MAP3K13: variants seen among roughly 807,000 people sequenced by gnomAD.
MAP3K13 encodes leucine zipper-bearing kinase.
A neutral mutation model predicts 104.0 loss-of-function variants in MAP3K13; 52 were observed. The observed-to-expected ratio is 0.50, with a 90% confidence interval of 0.40 to 0.63. MAP3K13 has a LOEUF of 0.63. MAP3K13 is among the 20% of genes least tolerant of loss of function. The probability of loss-of-function intolerance (pLI) is 0.00; values close to 1 mark genes in which losing one functional copy is unlikely to be tolerated. For missense variants in MAP3K13, 914 were observed against 1,218.5 expected (o/e 0.75, Z 3.72); for synonymous variants, 394 against 442.2 (o/e 0.89, Z 1.37).
chr3:185,322,885 T>A (rs1177994387), intron 2 of MAP3K13, among the ~76,000 whole-genome samples: 1 of 152,246 alleles, frequency 6.6e-6, no homozygotes, highest in Non-Finnish European at 1.5e-5. Flanking sequence ...TTATTTTCAC[T>A]GTAATTTCAT....
chr3:185,460,922 T>C (rs1422605034), intron 7 of MAP3K13, among the ~76,000 whole-genome samples: 1 of 152,150 alleles, frequency 6.6e-6, no homozygotes, highest in Non-Finnish European at 1.5e-5. Context: ...CAGAGGGAGG[T>C]ACTCCTTTTC....
At chr3:185,352,245 G>A (rs982778781) in intron 2 of MAP3K13, among the ~76,000 whole-genome samples, 5 of 152,178 alleles carry the variant, frequency 3.3e-5, no homozygotes, top group African/African-American at 1.2e-4. Context: ...GGGAGTTTGA[G>A]ACCAGCCTGA....
intron 9 of MAP3K13, among the ~76,000 whole-genome samples, chr3:185,466,171 A>G (rs975842634): frequency 2.0e-5 from 3 of 152,202 alleles, no homozygotes; most frequent in Admixed American, 6.5e-5. Context: ...GGGGAAATGT[A>G]TTGGCTGCTG....
chr3:185,384,366 A>G (rs1015599100), intron 1 of MAP3K13, among the ~76,000 whole-genome samples: 1 of 150,512 alleles, frequency 6.6e-6, no homozygotes, highest in African/African-American at 2.5e-5. Flanking sequence ...CCATTTAACC[A>G]TTGATGAATA....
chr3:185,328,289 T>C (rs573245846), intron 2 of MAP3K13, among the ~76,000 whole-genome samples: 1 of 152,230 alleles, frequency 6.6e-6, no homozygotes, highest in East Asian at 1.9e-4. Flanking sequence ...GATTGTACAA[T>C]GTATAGCTTC....
chr3:185,451,542 C>T (rs947397121), intron 7 of MAP3K13, 147 bp downstream of exon 7: 13 of 588,162 alleles, frequency 2.2e-5, no homozygotes, highest in Admixed American at 1.5e-4. Flanking sequence ...ATACTTCACA[C>T]ATATGACATC....
At chr3:185,456,871 G>A (rs529214168) in intron 7 of MAP3K13, among the ~76,000 whole-genome samples, 48 of 152,212 alleles carry the variant, frequency 3.2e-4, no homozygotes, top group African/African-American at 1.1e-3. Context: ...AACGTGCTGC[G>A]GTTACAGGTG....
chr3:185,309,713 C>A (rs1182903548), intron 2 of MAP3K13, among the ~76,000 whole-genome samples: 1 of 152,140 alleles, frequency 6.6e-6, no homozygotes, highest in Non-Finnish European at 1.5e-5. Flanking sequence ...ATTATGGGGG[C>A]AGGGTAGAAG....
At position 185,484,520 on chromosome 3, in the gene MAP3K13, G is replaced by A. The variant is rs1180943174; in HGVS notation, c.*2064G>A. The A allele has an allele frequency of 6.6e-6, 1 of 152,084 alleles. No individual in the cohort carries two copies. Among genetic ancestry groups the A allele is most frequent in the Non-Finnish European group, 1.5e-5 (1 of 68,010 alleles). 9.4% of individuals were successfully genotyped at this position (152,084 alleles called of 1,614,324 possible). ...ACATGAAAATGTTGCCGCTCCTCTG[G>A]GTTTTACTGATTGCATCAGCCAAAA... On this transcript the variant is annotated 3_prime_UTR_variant, in exon 14 of 14. Transcript: ENST00000265026.
intron 1 of MAP3K13, among the ~76,000 whole-genome samples, chr3:185,371,666 C>A (rs1724168991): frequency 1.3e-5 from 2 of 152,042 alleles, no homozygotes; most frequent in South Asian, 4.1e-4. Context: ...AGAAAGATGA[C>A]AGAAAAAAAG....
At position 185,418,847 on chromosome 3, in the gene MAP3K13, T is replaced by C; in HGVS notation, c.-85-9650T>C. The C allele has an allele frequency of 6.8e-7, 1 of 1,472,912 alleles. No individual in the cohort carries two copies. Among genetic ancestry groups the C allele is most frequent in the South Asian group, 1.3e-5 (1 of 75,772 alleles). The allele number at this position is 1,472,912 out of a possible 1,614,324, so 91.2% of individuals were successfully genotyped here. On this transcript the variant is annotated intron_variant, in intron 1 of 13. Transcript: ENST00000265026. The surrounding 1 kb of genome is among the most constrained non-coding windows in gnomAD (Gnocchi z 4.5). ...GCCACAGGAAAAGCATGTTCTTGTCTTTTCATCTGTTTTGGGTTTCAGTTC... is the reference window on the plus strand; with the variant it reads ...GCCACAGGAAAAGCATGTTCTTGTCCTTTCATCTGTTTTGGGTTTCAGTTC...
At chr3:185,455,434 GATAT>G (rs534505026) in intron 7 of MAP3K13, among the ~76,000 whole-genome samples, 1 of 88,846 alleles carries the variant, frequency 1.1e-5, no homozygotes, top group Non-Finnish European at 2.2e-5. Context: ...ATATATATGA[GATAT>G]ATATATGAGA....
At chr3:185,467,017 C>T (rs1371173074) in intron 10 of MAP3K13, 54 bp downstream of exon 10, 43 of 1,604,352 alleles carry the variant, frequency 2.7e-5, no homozygotes, top group Non-Finnish European at 3.3e-5. Flanking sequence ...GACCCACCCA[C>T]AAATCCATTC....
chr3:185,345,869 C>T (rs964608314), intron 2 of MAP3K13, among the ~76,000 whole-genome samples: 8 of 143,466 alleles, frequency 5.6e-5, no homozygotes, highest in Non-Finnish European at 1.1e-4. Flanking sequence ...GAAAAATTCT[C>T]TTCATGAAAC....
At chr3:185,331,816 C>T (rs964904308) in intron 2 of MAP3K13, among the ~76,000 whole-genome samples, 2 of 152,138 alleles carry the variant, frequency 1.3e-5, no homozygotes, top group Non-Finnish European at 2.9e-5. Flanking sequence ...TCCAGAGTTT[C>T]TTGATATATG....
intron 12 of MAP3K13, among the ~76,000 whole-genome samples, chr3:185,478,465 T>C (rs764798767): frequency 4.6e-5 from 7 of 152,190 alleles, no homozygotes; most frequent in Non-Finnish European, 8.8e-5. Context: ...AAATCTGTTC[T>C]CATTCCCTGC....
intron 2 of MAP3K13, among the ~76,000 whole-genome samples, chr3:185,346,565 G>A (rs1249816165): frequency 6.6e-6 from 1 of 152,136 alleles, no homozygotes; most frequent in Non-Finnish European, 1.5e-5. Flanking sequence ...ATTGTTAGGA[G>A]TATTATATTA....
At chr3:185,404,422 T>G (rs1276840356) in intron 1 of MAP3K13, among the ~76,000 whole-genome samples, 13 of 152,014 alleles carry the variant, frequency 8.6e-5, no homozygotes, top group Non-Finnish European at 1.9e-4. Flanking sequence ...GGGGGCAAAT[T>G]GATGGCAAAG....
At chr3:185,382,545 C>A (rs1173490036) in intron 1 of MAP3K13, among the ~76,000 whole-genome samples, 1 of 152,000 alleles carries the variant, frequency 6.6e-6, no homozygotes, top group African/African-American at 2.4e-5. Flanking sequence ...GGATGTTTGC[C>A]CCTCCAAACC....
Sources: gnomAD v4.1 joint callset for allele counts (sites outside exome capture counted in the v4.1 genomes callset) on GRCh38, gnomAD v4.1.1 for gene constraint, Gnocchi (gnomAD v3.1) non-coding constraint, MANE v1.5 for transcripts, NCBI Gene and HGNC (gene_info 2026-07-23, HGNC 2026-07-21) for gene names.